ARHGAP31: variants seen among roughly 807,000 people sequenced by gnomAD.
The protein encoded by ARHGAP31 is rho GTPase-activating protein 31.
Under a neutral mutation model 113.9 loss-of-function variants are expected in ARHGAP31, and 34 were observed. That is an observed-to-expected ratio of 0.30 (90% confidence interval 0.23 to 0.40). ARHGAP31 has a LOEUF of 0.40. ARHGAP31 is among the 10% of genes least tolerant of loss of function. ARHGAP31 has a pLI of 1.00. For missense variants in ARHGAP31, 1,548 were observed against 1,767.1 expected (o/e 0.88, Z 2.22); for synonymous variants, 650 against 684.8 (o/e 0.95, Z 0.79).
chr3:119,375,692 C>T (rs2080340636), intron 3 of ARHGAP31, among the ~76,000 whole-genome samples: 1 of 152,168 alleles, frequency 6.6e-6, no homozygotes, highest in South Asian at 2.1e-4. Flanking sequence ...AAAACTATTA[C>T]ACCCAAAACA....
At chr3:119,332,429 A>C (rs2079899235) in intron 1 of ARHGAP31, among the ~76,000 whole-genome samples, 1 of 151,882 alleles carries the variant, frequency 6.6e-6, no homozygotes, top group South Asian at 2.1e-4. Context: ...TGAACTCCTG[A>C]CCTCAGGTGA....
Position 119,420,265 on chromosome 3 carries a change from G to C in ARHGAP31, c.*4001G>C, listed in dbSNP as rs1325700792. ...CCAATCTGATGACCACATGAATTGG[G>C]GTTAAGTGTTGCTAAGACTATGATT... On this transcript the variant is annotated 3_prime_UTR_variant, in exon 12 of 12. Transcript: ENST00000264245. The C allele has an allele frequency of 6.6e-6, 1 of 152,200 alleles. No homozygotes were observed. The highest frequency in any genetic ancestry group is 2.4e-5 in the African/African-American group (1 of 41,432). 9.4% of individuals were successfully genotyped at this position (152,200 alleles called of 1,614,324 possible). A position where few individuals can be genotyped will look rare whatever the true frequency, so the allele number is the denominator to read the frequency against.
chr3:119,380,837 C>T (rs913896806), intron 3 of ARHGAP31, 67 bp from the exon 4 acceptor site: 9 of 1,362,592 alleles, frequency 6.6e-6, no homozygotes, highest in Non-Finnish European at 9.4e-6. Flanking sequence ...TGAGTGATCC[C>T]AGCACATGCA....
At chr3:119,339,764 A>G (rs1361026565) in intron 1 of ARHGAP31, among the ~76,000 whole-genome samples, 1 of 152,232 alleles carries the variant, frequency 6.6e-6, no homozygotes, top group African/African-American at 2.4e-5. Context: ...CACCTTATAT[A>G]AAAGTTAGCT....
chr3:119,310,757 T>C (rs1309911633), intron 1 of ARHGAP31, among the ~76,000 whole-genome samples: 1 of 152,188 alleles, frequency 6.6e-6, no homozygotes, highest in African/African-American at 2.4e-5. Context: ...ACAACCACCA[T>C]TTAGCGAGAG....
At chr3:119,331,181 T>TC (rs1329697148) in intron 1 of ARHGAP31, among the ~76,000 whole-genome samples, 10 of 152,282 alleles carry the variant, frequency 6.6e-5, no homozygotes, top group African/African-American at 1.9e-4. Context: ...GGTCCACAAA[T>TC]CTGCCCCAGG....
chr3:119,383,009 G>A, intron 5 of ARHGAP31, 75 bp from the exon 6 acceptor site: 20 of 1,559,384 alleles, frequency 1.3e-5, no homozygotes, highest in Non-Finnish European at 1.6e-5. Context: ...TTGTGCAAAA[G>A]GCCCACTGGC....
In ARHGAP31 at chr3:119,406,302, G is replaced by T. The variant is rs548188951; in HGVS notation, c.1646-3194G>T. On this transcript the variant is annotated intron_variant, in intron 10 of 11. Coordinates refer to ENST00000264245, the MANE Select transcript of ARHGAP31 (RefSeq NM_020754.4). ...AAGAAGCTCTACAAAAAGGGACACTGGCAAGTTCCTCCAACTACTAGATTT... is the reference window on the plus strand; with the variant it reads ...AAGAAGCTCTACAAAAAGGGACACTTGCAAGTTCCTCCAACTACTAGATTT... Among the ~76,000 whole-genome samples, 100 of 152,188 alleles carry T rather than the reference G, an allele frequency of 6.6e-4. 1 individual carries two copies. Among genetic ancestry groups the T allele is most frequent in the African/African-American group, 2.3e-3 (95 of 41,504 alleles).
At position 119,415,748 on chromosome 3, in the gene ARHGAP31, A is replaced by G. The variant is rs758742663; in HGVS notation, c.3819A>G (p.Ser1273=). ...AAGATCCCGGAGCCATTAAGTCCTC[A>G]CCAGTGGATGCCACTGCACCCTGCA... ...PKQDPGAIKS[S]PVDATAPCMC... is the part of the protein sequence containing the mutation. The change falls in exon 12 of 12, where the codon TCA becomes TCG. Residue 1273 remains serine (S), a synonymous_variant. Coordinates refer to ENST00000264245, the MANE Select transcript of ARHGAP31 (RefSeq NM_020754.4). The G allele has an allele frequency of 6.2e-6, 10 of 1,614,010 alleles. No individual in the cohort carries two copies. Among genetic ancestry groups the G allele is most frequent in the Non-Finnish European group, 8.5e-6 (10 of 1,180,028 alleles).
intron 1 of ARHGAP31, among the ~76,000 whole-genome samples, chr3:119,333,147 T>G (rs576529631): frequency 3.3e-5 from 5 of 152,334 alleles, no homozygotes; most frequent in African/African-American, 4.8e-5. Context: ...TTGGAAATAC[T>G]GGACCCAAAC....
At chr3:119,383,808 G>A (rs1162900753) in intron 6 of ARHGAP31, among the ~76,000 whole-genome samples, 1 of 152,198 alleles carries the variant, frequency 6.6e-6, no homozygotes, top group Non-Finnish European at 1.5e-5. Context: ...AATATAATGA[G>A]CCCTAGGAGT....
chr3:119,399,132 G>T, intron 8 of ARHGAP31, 67 bp from the exon 9 acceptor site: 2 of 1,436,326 alleles, frequency 1.4e-6, no homozygotes, highest in South Asian at 2.3e-5. Flanking sequence ...TAAACAGCCT[G>T]ACCTATTTTT....
chr3:119,324,661 T>G (rs1443649697), intron 1 of ARHGAP31, among the ~76,000 whole-genome samples: 1 of 152,172 alleles, frequency 6.6e-6, no homozygotes, highest in Non-Finnish European at 1.5e-5. Context: ...AAAAACCCTT[T>G]CGAGAATCAG....
intron 1 of ARHGAP31, chr3:119,298,910 G>A (rs1394736971): frequency 8.4e-6 from 2 of 237,600 alleles, no homozygotes. Context: ...TTCACAGCAA[G>A]GTAGTCAGGA....
intron 1 of ARHGAP31, among the ~76,000 whole-genome samples, chr3:119,351,834 T>C (rs1417964946): frequency 6.6e-6 from 1 of 152,206 alleles, no homozygotes; most frequent in Non-Finnish European, 1.5e-5. Flanking sequence ...CCACCAGTGG[T>C]ATCCCAAGGA....
chr3:119,349,717 A>T (rs2080094461), intron 1 of ARHGAP31, among the ~76,000 whole-genome samples: 1 of 152,208 alleles, frequency 6.6e-6, no homozygotes, highest in South Asian at 2.1e-4. Context: ...TTGCCCCATG[A>T]GCCGCTCCCA....
Position 119,409,611 on chromosome 3 carries a change from G to C in ARHGAP31, c.1761G>C (p.Lys587Asn), listed in dbSNP as rs1457092448. 5 of 1,613,832 alleles carry C rather than the reference G, an allele frequency of 3.1e-6. No homozygotes were observed. The African/African-American group carries it at 6.7e-5, about 22-fold the overall frequency. The change falls in exon 11 of 12, where the codon AAG becomes AAC. Residue 587 changes from lysine to asparagine, a missense_variant. Coordinates refer to ENST00000264245, the MANE Select transcript of ARHGAP31 (RefSeq NM_020754.4). ...SQEPGAHLEE[K>N]KTPESSLSSQ... ...AGCCAGGCGCCCACCTGGAGGAGAAGAAAACCCCAGAAAGCTCCTTGAGCT... is the reference window on the plus strand; with the variant it reads ...AGCCAGGCGCCCACCTGGAGGAGAACAAAACCCCAGAAAGCTCCTTGAGCT...
At chr3:119,345,842 C>T (rs1017879328) in intron 1 of ARHGAP31, among the ~76,000 whole-genome samples, 1 of 152,108 alleles carries the variant, frequency 6.6e-6, no homozygotes, top group African/African-American at 2.4e-5. Context: ...GACTGCAAAC[C>T]AAATCTCTGG....
Position 119,374,653 on chromosome 3 carries a change from C to T in ARHGAP31, c.348+6137C>T, listed in dbSNP as rs577718782. 3.9e-5 allele frequency among the ~76,000 whole-genome samples: 6 copies of T among 152,222 alleles called. No individual in the cohort carries two copies. The East Asian group carries it at 9.7e-4, about 25-fold the overall frequency. ...GATCTGATGGTTCAAAAGTGTGTGG[C>T]GGTTCCCCCTTAGCTCTCTCTCTCT... is the stretch of plus-strand genomic sequence containing the variant. On this transcript the variant is annotated intron_variant, in intron 3 of 11. Coordinates refer to ENST00000264245, the MANE Select transcript of ARHGAP31 (RefSeq NM_020754.4).
Sources: gnomAD v4.1 joint callset for allele counts (sites outside exome capture counted in the v4.1 genomes callset) on GRCh38, gnomAD v4.1.1 for gene constraint, MANE v1.5 for transcripts, NCBI Gene and HGNC (gene_info 2026-07-23, HGNC 2026-07-21) for gene names.